ETS1: variants seen among roughly 807,000 people sequenced by gnomAD.
The protein encoded by ETS1 is protein C-ets-1.
A neutral mutation model predicts 58.6 loss-of-function variants in ETS1; 15 were observed. The observed-to-expected ratio is 0.26, with a 90% confidence interval of 0.17 to 0.39. The LOEUF (loss-of-function observed/expected upper bound fraction) is 0.39, where lower values mean the gene tolerates loss of function less well. Among genes scored for constraint, ETS1 ranks in the 10% least tolerant of loss-of-function variants. ETS1 has a pLI of 1.00. For synonymous variants in ETS1, 214 were observed against 218.2 expected, an observed-to-expected ratio of 0.98 and a Z score of 0.17; for missense variants, 417 against 610.5, an observed-to-expected ratio of 0.68 and a Z score of 3.34.
intron 2 of ETS1, among the ~76,000 whole-genome samples, chr11:128,570,902 G>T (rs1198387373): frequency 6.6e-6 from 1 of 152,060 alleles, no homozygotes; most frequent in East Asian, 1.9e-4. Context: ...TGGAGTGTTG[G>T]GGAGTGGGCA....
intron 3 of ETS1, among the ~76,000 whole-genome samples, chr11:128,511,317 GA>G (rs998426514): frequency 8.0e-5 from 12 of 150,840 alleles, no homozygotes; most frequent in Admixed American, 2.0e-4. Flanking sequence ...TAGATTAAAA[GA>G]AAAAAAAATG....
intron 8 of ETS1, among the ~76,000 whole-genome samples, chr11:128,471,696 A>G (rs369435339): frequency 6.6e-6 from 1 of 152,238 alleles, no homozygotes; most frequent in Non-Finnish European, 1.5e-5. Context: ...GAATTTTGTT[A>G]TAAACCAAAG....
chr11:128,568,645 T>C (rs745378883), intron 2 of ETS1, among the ~76,000 whole-genome samples: 76 of 152,218 alleles, frequency 5.0e-4, no homozygotes, highest in Non-Finnish European at 1.0e-3. Flanking sequence ...GTCCTGCTTT[T>C]GAGAAACTGA....
At chr11:128,526,737 T>C (rs1490440086) in intron 3 of ETS1, 3 of 346,542 alleles carry the variant, frequency 8.7e-6, no homozygotes, top group African/African-American at 4.4e-5. Context: ...ATATTTGTTT[T>C]GAGTCACAGA....
intron 6 of ETS1, among the ~76,000 whole-genome samples, chr11:128,485,570 G>A (rs986252021): frequency 6.6e-6 from 1 of 152,164 alleles, no homozygotes; most frequent in Non-Finnish European, 1.5e-5. Flanking sequence ...GTTTCCCTCA[G>A]GCCATCTCTT....
chr11:128,585,101 AAGGAAG>A (rs1864976534), intron 1 of ETS1, among the ~76,000 whole-genome samples: 2 of 28,940 alleles, frequency 6.9e-5, no homozygotes, highest in Admixed American at 3.2e-4. Context: ...GAAAGAAAGA[AAGGAAG>A]GAAGGAAGGA....
At chr11:128,584,837 T>C (rs1864941422) in intron 1 of ETS1, among the ~76,000 whole-genome samples, 1 of 129,058 alleles carries the variant, frequency 7.7e-6, no homozygotes, top group Non-Finnish European at 1.6e-5. Flanking sequence ...ATTTCCATAA[T>C]GAAGAAAGAA....
intron 5 of ETS1, 83 bp from the exon 6 acceptor site, chr11:128,486,229 A>G: frequency 1.2e-6 from 1 of 831,514 alleles, no homozygotes. Context: ...TGCAAAGACC[A>G]CAATGATCTC....
At chr11:128,474,887 A>G (rs73029062) in intron 8 of ETS1, among the ~76,000 whole-genome samples, 15,853 of 152,278 alleles carry the variant, frequency 0.1, 1,169 homozygotes, top group Non-Finnish European at 0.16. Flanking sequence ...GTACTGCCCA[A>G]GGATGGTCTA....
rs530661400 is a variant in ETS1 at position 128,552,916 on chromosome 11, G to A, written c.214+3375C>T. Among the ~76,000 whole-genome samples the A allele has an allele frequency of 2.6e-4, 40 of 152,310 alleles. No homozygotes were observed. The South Asian group carries it at 8.1e-3, about 31-fold the overall frequency. On this transcript the variant is annotated intron_variant, in intron 3 of 9. Coordinates refer to ENST00000392668, the MANE Select transcript of ETS1 (RefSeq NM_001143820.2). ...AACGTCAGTGAGCTCTTAGAGACAG[G>A]AGCAAGAAACTGAAACGTAAAAATG...
chr11:128,540,320 CAA>C (rs112191021), intron 3 of ETS1, among the ~76,000 whole-genome samples: 2 of 83,932 alleles, frequency 2.4e-5, no homozygotes, highest in Non-Finnish European at 4.6e-5. Flanking sequence ...AATTCCATCT[CAA>C]AAAAAAAAAA....
At chr11:128,509,754 G>A (rs1863343817) in intron 3 of ETS1, among the ~76,000 whole-genome samples, 1 of 152,060 alleles carries the variant, frequency 6.6e-6, no homozygotes. Context: ...TTCTGTCTAA[G>A]TAGGAAGGCC....
intron 3 of ETS1, among the ~76,000 whole-genome samples, chr11:128,539,619 C>T (rs995870290): frequency 2.0e-5 from 3 of 152,104 alleles, no homozygotes; most frequent in Non-Finnish European, 4.4e-5. Flanking sequence ...ACCATACGAC[C>T]CAGAAATTCT....
intron 2 of ETS1, among the ~76,000 whole-genome samples, chr11:128,569,915 A>G (rs1217022732): frequency 6.6e-6 from 1 of 152,174 alleles, no homozygotes; most frequent in African/African-American, 2.4e-5. Context: ...AGTGAAAAGG[A>G]TCTCACATGT....
chr11:128,478,455 G>GGAAGGAAGGAAGGA (rs1565371373), intron 8 of ETS1, among the ~76,000 whole-genome samples: 3,966 of 101,984 alleles, frequency 0.039, 100 homozygotes, highest in Middle Eastern at 0.083. Context: ...GAGAGGGAGG[G>GGAAGGAAGGAAGGA]AGGAAGGAAG....
intron 8 of ETS1, 56 bp downstream of exon 8, chr11:128,480,135 C>T: frequency 6.3e-7 from 1 of 1,595,102 alleles, no homozygotes; most frequent in Non-Finnish European, 8.5e-7. Flanking sequence ...CCTTCCAGGA[C>T]CCCACCCACA....
intron 3 of ETS1, among the ~76,000 whole-genome samples, chr11:128,520,209 AC>A (rs1381763079): frequency 2.6e-5 from 4 of 152,248 alleles, no homozygotes; most frequent in Non-Finnish European, 5.9e-5. Context: ...AAATGACGGC[AC>A]CATATACATT....
At chr11:128,504,607 T>C (rs1863181502) in intron 3 of ETS1, among the ~76,000 whole-genome samples, 1 of 152,208 alleles carries the variant, frequency 6.6e-6, no homozygotes, top group African/African-American at 2.4e-5. Flanking sequence ...CCTTTTCTTT[T>C]ACTGGTGGGT....
intron 3 of ETS1, among the ~76,000 whole-genome samples, chr11:128,510,115 T>C (rs1401876817): frequency 6.6e-6 from 1 of 152,170 alleles, no homozygotes; most frequent in Non-Finnish European, 1.5e-5. Context: ...TTATATGAAA[T>C]AAGGATGCAT....
Sources: allele counts gnomAD v4.1 joint callset (sites outside exome capture counted in the v4.1 genomes callset), GRCh38; gene constraint gnomAD v4.1.1; transcripts MANE v1.5; gene names NCBI Gene and HGNC (gene_info 2026-07-23, HGNC 2026-07-21).